The following LIMCH1 variants were observed in gnomAD, a reference collection of about 807,000 sequenced individuals.
LIMCH1 encodes the protein LIM and calponin homology domains-containing protein 1.
Under a neutral mutation model 176.5 loss-of-function variants are expected in LIMCH1, and 113 were observed. That is an observed-to-expected ratio of 0.64 (90% CI 0.55 to 0.75). LIMCH1 has a LOEUF of 0.75. Among genes scored for constraint, LIMCH1 ranks in the 30% least tolerant of loss-of-function variants. LIMCH1 has a pLI of 0.00. For missense variants in LIMCH1, 1,674 were observed against 1,814.9 expected (o/e 0.92, Z 1.41); for synonymous variants, 619 against 645.9 (o/e 0.96, Z 0.63).
At chr4:41,622,657 T>G (rs543054550) in intron 7 of LIMCH1, among the ~76,000 whole-genome samples, 4 of 152,338 alleles carry the variant, frequency 2.6e-5, no homozygotes, top group Non-Finnish European at 4.4e-5. Flanking sequence ...TTAAAAACTT[T>G]GAACTCTTTT....
chr4:41,479,412 C>T (rs562729321), intron 1 of LIMCH1, among the ~76,000 whole-genome samples: 59 of 152,230 alleles, frequency 3.9e-4, no homozygotes, highest in Non-Finnish European at 6.8e-4. Flanking sequence ...CCACCACACC[C>T]GGCCAAATTT....
chr4:41,436,862 G>C (rs959740638), intron 1 of LIMCH1, among the ~76,000 whole-genome samples: 1 of 152,140 alleles, frequency 6.6e-6, no homozygotes, highest in Non-Finnish European at 1.5e-5. Context: ...CATGGTTTTT[G>C]TCTGGTCTTT....
intron 18 of LIMCH1, among the ~76,000 whole-genome samples, chr4:41,656,121 G>C (rs1311831668): frequency 6.6e-6 from 1 of 152,186 alleles, no homozygotes; most frequent in East Asian, 1.9e-4. Flanking sequence ...GAGTCACAAG[G>C]TAGGTCTGTT....
At chr4:41,534,871 A>G (rs2152453639), upstream of LIMCH1, among the ~76,000 whole-genome samples, 1 of 152,306 alleles carries the variant, frequency 6.6e-6, no homozygotes, top group South Asian at 2.1e-4. Flanking sequence ...ATTGAAAATC[A>G]TGACAGAAAG....
intron 1 of LIMCH1, among the ~76,000 whole-genome samples, chr4:41,588,875 G>A (rs778442007): frequency 1.1e-4 from 16 of 152,260 alleles, no homozygotes; most frequent in African/African-American, 1.7e-4. Flanking sequence ...AAGGAGGGAG[G>A]GCCAGGAGTG....
At chr4:41,503,904 A>AT (rs1463863233) in intron 2 of LIMCH1, among the ~76,000 whole-genome samples, 2 of 151,882 alleles carry the variant, frequency 1.3e-5, no homozygotes, top group Non-Finnish European at 2.9e-5. Context: ...AGGAGCTGCC[A>AT]TTTTTCTGAT....
upstream of LIMCH1, among the ~76,000 whole-genome samples, chr4:41,534,976 C>T (rs1233201585): frequency 1.3e-5 from 2 of 151,870 alleles, no homozygotes; most frequent in Non-Finnish European, 2.9e-5. Context: ...GCCTAGGCAA[C>T]ATGGCAAAAT....
chr4:41,532,001 A>G (rs2077377742), intron 3 of LIMCH1, among the ~76,000 whole-genome samples: 1 of 152,176 alleles, frequency 6.6e-6, no homozygotes, highest in African/African-American at 2.4e-5. Flanking sequence ...ACTTTCCTTT[A>G]TCCTCATCCC....
chr4:41,627,029 T>G lies in LIMCH1; in HGVS notation c.1028+19T>G. The G allele has an allele frequency of 6.8e-7, 1 of 1,476,352 alleles. No homozygotes were observed. The allele number at this position is 1,476,352 out of a possible 1,614,324, so 91.5% of individuals were successfully genotyped here. On this transcript the variant is annotated intron_variant, in intron 8 of 31. Transcript: ENST00000503057. ...ATAAAAGGTGTGCATGGTGTGTGTG[T>G]GTGTGTGTGTGTGTGTGTGTGTGTC...
rs568053686 is a variant in LIMCH1, at chr4:41,444,733, G to T, written c.97-49803G>T. On this transcript the variant is annotated intron_variant, in intron 1 of 26. Coordinates refer to the LIMCH1 transcript ENST00000313860. ...CCTAAGTTGGTCATCACAGCAATGG[G>T]ATTTTCAGTCTTGCTCAACATTGGG... Among the ~76,000 whole-genome samples the T allele has an allele frequency of 2.6e-5, 4 of 152,282 alleles. No homozygotes were observed. In the East Asian group the frequency reaches 7.7e-4, roughly 29 times the overall value.
chr4:41,553,260 T>A (rs1419802176), intron 1 of LIMCH1, among the ~76,000 whole-genome samples: 1 of 152,120 alleles, frequency 6.6e-6, no homozygotes, highest in East Asian at 1.9e-4. Context: ...TGAGGAACTA[T>A]TTAGTAGGGG....
At chr4:41,431,980 C>T (rs993982868) in intron 1 of LIMCH1, among the ~76,000 whole-genome samples, 1 of 152,152 alleles carries the variant, frequency 6.6e-6, no homozygotes, top group Non-Finnish European at 1.5e-5. Flanking sequence ...CATAATTAAT[C>T]TTCTCTCCAC....
intron 24 of LIMCH1, among the ~76,000 whole-genome samples, chr4:41,680,591 G>T (rs1714905303): frequency 6.6e-6 from 1 of 152,132 alleles, no homozygotes; most frequent in Admixed American, 6.6e-5. Context: ...ATAACTTAAA[G>T]GGGGCTGCAT....
At chr4:41,672,408 A>T (rs1287054327) in intron 22 of LIMCH1, among the ~76,000 whole-genome samples, 2 of 152,192 alleles carry the variant, frequency 1.3e-5, no homozygotes, top group Non-Finnish European at 2.9e-5. Flanking sequence ...TAGAAGAATT[A>T]GTATTAAAAC....
upstream of LIMCH1, among the ~76,000 whole-genome samples, chr4:41,534,032 G>A (rs996208237): frequency 1.3e-5 from 2 of 152,288 alleles, no homozygotes; most frequent in Admixed American, 6.5e-5. Context: ...GACTCATTTT[G>A]TGTGCAGTAA....
intron 1 of LIMCH1, among the ~76,000 whole-genome samples, chr4:41,493,601 T>C (rs2071497875): frequency 6.6e-6 from 1 of 152,160 alleles, no homozygotes; most frequent in Non-Finnish European, 1.5e-5. Flanking sequence ...TATATGCAAA[T>C]ACTACACATT....
intron 7 of LIMCH1, among the ~76,000 whole-genome samples, chr4:41,624,153 CT>C (rs1001828291): frequency 6.6e-6 from 1 of 151,932 alleles, no homozygotes; most frequent in Non-Finnish European, 1.5e-5. Context: ...GAGAAGTAAA[CT>C]TTTTTTTGAA....
chr4:41,541,247 C>T (rs975920449), intron 1 of LIMCH1, among the ~76,000 whole-genome samples: 1 of 152,134 alleles, frequency 6.6e-6, no homozygotes, highest in African/African-American at 2.4e-5. Flanking sequence ...AAAATAAGAG[C>T]CATAGCTTAT....
intron 1 of LIMCH1, among the ~76,000 whole-genome samples, chr4:41,591,227 TTTTCTTTC>T (rs147440309): frequency 7.3e-5 from 11 of 151,718 alleles, no homozygotes; most frequent in African/African-American, 1.9e-4. Flanking sequence ...TCTTTTTTCT[TTTTCTTTC>T]TTTCTTTCTT....
Sources: allele counts gnomAD v4.1 joint callset (sites outside exome capture counted in the v4.1 genomes callset), GRCh38; gene constraint gnomAD v4.1.1; transcripts MANE v1.5; gene names NCBI Gene and HGNC (gene_info 2026-07-23, HGNC 2026-07-21).